Variants in LRRC4C observed in about 807,000 individuals in gnomAD.
LRRC4C encodes leucine rich repeat containing 4C.
LRRC4C carries 5 observed loss-of-function variants against 33.6 expected under a neutral mutation model. The ratio of observed to expected loss-of-function variants is 0.15; its 90% CI spans 0.08 to 0.31. LRRC4C has a LOEUF of 0.31. Ranked by LOEUF, LRRC4C falls within the 10% of genes least tolerant of loss-of-function variation. The pLI is 1.00. For missense variants in LRRC4C, 560 were observed against 796.7 expected, an observed-to-expected ratio of 0.70 and a Z score of 3.58; for synonymous variants, 329 against 302.0, an observed-to-expected ratio of 1.09 and a Z score of -0.93.
At chr11:40,739,191 C>A (rs1023196041) in intron 2 of LRRC4C, among the ~76,000 whole-genome samples, 1 of 151,936 alleles carries the variant, frequency 6.6e-6, no homozygotes, top group Non-Finnish European at 1.5e-5. Context: ...AACTTTGTAC[C>A]CTTTAATCAC....
chr11:40,276,977 C>T (rs566497385), intron 4 of LRRC4C, among the ~76,000 whole-genome samples: 62 of 152,032 alleles, frequency 4.1e-4, no homozygotes, highest in Admixed American at 2.6e-4. Context: ...ATCACTATAT[C>T]TCTTCCTGCC....
intron 1 of LRRC4C, among the ~76,000 whole-genome samples, chr11:41,276,830 C>A (rs749749719): frequency 1.3e-5 from 2 of 152,092 alleles, no homozygotes; most frequent in African/African-American, 4.8e-5. Context: ...AGCTAAGAAA[C>A]GCAGGCAGCC....
At chr11:40,938,748 TC>T in intron 1 of LRRC4C, among the ~76,000 whole-genome samples, 1 of 152,244 alleles carries the variant, frequency 6.6e-6, no homozygotes, top group African/African-American at 2.4e-5. Context: ...TAGCTCAAGT[TC>T]CCACAACTCC....
At chr11:41,374,952 C>A (rs1260541778) in intron 1 of LRRC4C, among the ~76,000 whole-genome samples, 2 of 151,916 alleles carry the variant, frequency 1.3e-5, no homozygotes, top group African/African-American at 4.8e-5. Flanking sequence ...ATGGCAAAAT[C>A]CCGTCTCTAC....
intron 3 of LRRC4C, among the ~76,000 whole-genome samples, chr11:40,496,728 G>C (rs1380982488): frequency 6.6e-6 from 1 of 152,084 alleles, no homozygotes; most frequent in East Asian, 1.9e-4. Context: ...AACATATGGG[G>C]AGTCTCTGAA....
At chr11:41,241,249 A>T (rs1811699674) in intron 1 of LRRC4C, among the ~76,000 whole-genome samples, 2 of 152,134 alleles carry the variant, frequency 1.3e-5, no homozygotes, top group Admixed American at 6.5e-5. Context: ...AGGAGGAATA[A>T]ATGATTCTTT....
chr11:41,244,842 C>G (rs1226065413), intron 1 of LRRC4C, among the ~76,000 whole-genome samples: 1 of 152,122 alleles, frequency 6.6e-6, no homozygotes, highest in Admixed American at 6.5e-5. Flanking sequence ...ACTGCAGGCA[C>G]AGGGACTCAA....
intron 3 of LRRC4C, among the ~76,000 whole-genome samples, chr11:40,375,808 G>A (rs548405857): frequency 1.3e-5 from 2 of 152,066 alleles, no homozygotes; most frequent in Non-Finnish European, 1.5e-5. Flanking sequence ...AGGCTACCAC[G>A]GGAGTCACGT....
chr11:40,541,548 G>A (rs1225533546), intron 3 of LRRC4C, among the ~76,000 whole-genome samples: 1 of 152,094 alleles, frequency 6.6e-6, no homozygotes, highest in Non-Finnish European at 1.5e-5. Context: ...CTTGCCTTGG[G>A]ACTGGGTGGG....
rs550295299 is a variant in LRRC4C at position 40,728,261 on chromosome 11, G to A, written c.-406-79983C>T. 2.6e-5 allele frequency among the ~76,000 whole-genome samples: 4 copies of A among 152,082 alleles called. 1 individual carries two copies. The East Asian group carries it at 5.8e-4, about 22-fold the overall frequency. The stretch of plus-strand genomic sequence containing the variant: ...GAGGTTTCTCAAAGAATTAAAAATA[G>A]AACTACCATTTGACCCAGAAACCCC... On this transcript the variant is annotated intron_variant, in intron 2 of 6. Transcript: ENST00000528697.
intron 1 of LRRC4C, among the ~76,000 whole-genome samples, chr11:41,036,071 T>C (rs1306831831): frequency 1.1e-5 from 1 of 90,710 alleles, no homozygotes; most frequent in Non-Finnish European, 2.6e-5. Flanking sequence ...TCTTTTGTTG[T>C]TTTTCTAAAA....
At chr11:40,345,737 G>T (rs978179567) in intron 3 of LRRC4C, among the ~76,000 whole-genome samples, 2 of 152,028 alleles carry the variant, frequency 1.3e-5, no homozygotes, top group Admixed American at 1.3e-4. Context: ...CATAGCAAAA[G>T]AAACTATCAA....
intron 3 of LRRC4C, among the ~76,000 whole-genome samples, chr11:40,469,800 G>A (rs1237864409): frequency 6.6e-6 from 1 of 152,170 alleles, no homozygotes; most frequent in Non-Finnish European, 1.5e-5. Flanking sequence ...CCAGAGCTCG[G>A]CAAAGCTGCT....
Position 40,528,682 on chromosome 11 carries a change from C to A in LRRC4C, c.-270+119460G>T, listed in dbSNP as rs149584920. Among the ~76,000 whole-genome samples, 283 of 152,198 alleles carry A rather than the reference C, an allele frequency of 1.9e-3. 1 individual carries two copies. Among genetic ancestry groups the A allele is most frequent in the African/African-American group, 6.6e-3 (275 of 41,532 alleles). On this transcript the variant is annotated intron_variant, in intron 3 of 6. Transcript: ENST00000528697. The stretch of plus-strand genomic sequence containing the variant: ...GAAATAAGAATCTCAAAAAAGATAT[C>A]TGTACTCCCAACTTCACTGCAGAAC...
chr11:40,177,717 CGTT>C (rs545245191), intron 5 of LRRC4C, among the ~76,000 whole-genome samples: 19 of 152,184 alleles, frequency 1.2e-4, no homozygotes, highest in South Asian at 6.2e-4. Context: ...TCCATTTTTC[CGTT>C]GTTGTTATTA....
chr11:41,081,887 C>T (rs56294839), intron 1 of LRRC4C, among the ~76,000 whole-genome samples: 2,933 of 152,116 alleles, frequency 0.019, 102 homozygotes, highest in African/African-American at 0.067. Context: ...TGCATAAAAA[C>T]GAGAGGGTTA....
At chr11:41,260,207 T>G (rs1318238172) in intron 1 of LRRC4C, among the ~76,000 whole-genome samples, 2 of 152,092 alleles carry the variant, frequency 1.3e-5, no homozygotes, top group African/African-American at 4.8e-5. Context: ...AAATACGTAA[T>G]GCAAAGATAC....
chr11:41,394,552 G>C (rs1953731098), intron 1 of LRRC4C: 1 of 151,838 alleles, frequency 6.6e-6, no homozygotes, highest in Non-Finnish European at 1.5e-5. Flanking sequence ...AAATAATGTG[G>C]TTACAAAGAA....
At chr11:40,592,034 C>CTA (rs201410184) in intron 3 of LRRC4C, among the ~76,000 whole-genome samples, 4,408 of 152,310 alleles carry the variant, frequency 0.029, 219 homozygotes, top group African/African-American at 0.1. Flanking sequence ...TCACTATTCA[C>CTA]TCAAATAGAT....
Sources: gnomAD v4.1 joint callset for allele counts (sites outside exome capture counted in the v4.1 genomes callset) on GRCh38, gnomAD v4.1.1 for gene constraint, MANE v1.5 for transcripts, NCBI Gene and HGNC (gene_info 2026-07-23, HGNC 2026-07-21) for gene names.